The following CDKL4 variants were observed in gnomAD, a reference collection of about 807,000 sequenced individuals.
CDKL4 encodes the protein cyclin dependent kinase like 4.
Under a neutral mutation model 42.0 loss-of-function variants are expected in CDKL4, and 44 were observed. The ratio of observed to expected loss-of-function variants is 1.05; its 90% CI spans 0.82 to 1.35. The LOEUF is 1.35. Among genes scored for constraint, CDKL4 ranks in the 40% most tolerant of loss-of-function variants. CDKL4 has a pLI of 0.00. For synonymous variants in CDKL4, 120 were observed against 121.6 expected (o/e 0.99, Z 0.09); for missense variants, 393 against 369.9 (o/e 1.06, Z -0.51).
intron 5 of CDKL4, among the ~76,000 whole-genome samples, chr2:39,193,776 G>A (rs1430727607): frequency 1.3e-5 from 2 of 152,186 alleles, no homozygotes; most frequent in Non-Finnish European, 2.9e-5. Context: ...CACCCAGAGA[G>A]AAACCAAGTG....
At chr2:39,170,277 CAAA>C in the CDKL4 span, among the ~76,000 whole-genome samples, 2 of 42,908 alleles carry the variant, frequency 4.7e-5, no homozygotes, top group Non-Finnish European at 1.1e-4. Flanking sequence ...ACCCTGTCTC[CAAA>C]AAAAAAAAAA....
intron 1 of CDKL4, among the ~76,000 whole-genome samples, chr2:39,232,911 G>A (rs1179260321): frequency 6.6e-6 from 1 of 151,762 alleles, no homozygotes; most frequent in Non-Finnish European, 1.5e-5. Flanking sequence ...CAGGCATGGT[G>A]GCACGCGCCT....
chr2:39,196,782 A>T (rs896139924), intron 5 of CDKL4, among the ~76,000 whole-genome samples: 1 of 152,202 alleles, frequency 6.6e-6, no homozygotes, highest in African/African-American at 2.4e-5. Flanking sequence ...TAATTTTTGA[A>T]TTTTTAGTAC....
chr2:39,186,250 A>G (rs1270968957), intron 7 of CDKL4, among the ~76,000 whole-genome samples: 2 of 152,208 alleles, frequency 1.3e-5, no homozygotes, highest in Admixed American at 1.3e-4. Context: ...TATATAAATC[A>G]AGATATTATA....
At chr2:39,207,254 G>T (rs1486729414) in intron 4 of CDKL4, among the ~76,000 whole-genome samples, 1 of 152,050 alleles carries the variant, frequency 6.6e-6, no homozygotes, top group Non-Finnish European at 1.5e-5. Context: ...GGTGTGTGGC[G>T]TGTGCCTTTA....
intron 4 of CDKL4, among the ~76,000 whole-genome samples, chr2:39,205,162 C>A (rs1316837239): frequency 1.3e-5 from 2 of 151,868 alleles, no homozygotes; most frequent in Non-Finnish European, 2.9e-5. Context: ...AGCAACTGAG[C>A]TAAACCCTGT....
intron 4 of CDKL4, among the ~76,000 whole-genome samples, chr2:39,209,395 A>T (rs1677441617): frequency 6.6e-6 from 1 of 152,042 alleles, no homozygotes; most frequent in African/African-American, 2.4e-5. Context: ...ATATATAAAA[A>T]TCCCTGGGTT....
intron 3 of CDKL4, among the ~76,000 whole-genome samples, chr2:39,221,688 G>C (rs772280555): frequency 6.6e-6 from 1 of 152,222 alleles, no homozygotes; most frequent in Non-Finnish European, 1.5e-5. Flanking sequence ...AGAGTGCAAA[G>C]TGGGATAGTT....
At chr2:39,178,909 C>G in intron 9 of CDKL4, 2 of 1,451,828 alleles carry the variant, frequency 1.4e-6, no homozygotes, top group Non-Finnish European at 1.8e-6. Flanking sequence ...TATGGGTATA[C>G]GATCTTGTGG....
chr2:39,185,375 T>C (rs1474710890), intron 7 of CDKL4, among the ~76,000 whole-genome samples: 1 of 55,400 alleles, frequency 1.8e-5, no homozygotes. Context: ...TATATATACA[T>C]ATGTATATAT....
intron 1 of CDKL4, among the ~76,000 whole-genome samples, chr2:39,231,776 G>A (rs1219162889): frequency 2.0e-5 from 3 of 152,234 alleles, no homozygotes; most frequent in Non-Finnish European, 4.4e-5. Context: ...ATCTGGCTGG[G>A]AGCATTGGCT....
chr2:39,199,416 GA>G (rs376768529), intron 5 of CDKL4, among the ~76,000 whole-genome samples: 2,011 of 152,144 alleles, frequency 0.013, 27 homozygotes, highest in African/African-American at 0.046. Flanking sequence ...GACATTCAAA[GA>G]AAAATTGGTA....
chr2:39,199,743 G>T (rs1165786518), intron 5 of CDKL4, among the ~76,000 whole-genome samples: 1 of 151,818 alleles, frequency 6.6e-6, no homozygotes, highest in Admixed American at 6.6e-5. Flanking sequence ...AAATCACAAG[G>T]TCATCTCAAT....
intron 5 of CDKL4, among the ~76,000 whole-genome samples, chr2:39,195,449 T>A (rs72799489): frequency 0.033 from 5,034 of 152,274 alleles, 120 homozygotes; most frequent in Non-Finnish European, 0.05. Flanking sequence ...AATTTCTTCA[T>A]ATCTTTACCA....
At chr2:39,204,346 C>G (rs931788605) in intron 5 of CDKL4, among the ~76,000 whole-genome samples, 181 bp downstream of exon 5, 1 of 152,190 alleles carries the variant, frequency 6.6e-6, no homozygotes, top group African/African-American at 2.4e-5. Context: ...TAAATTCTAG[C>G]TGAATGGAGC....
At chr2:39,227,820 G>C (rs1384455789) in intron 2 of CDKL4, among the ~76,000 whole-genome samples, 2 of 152,202 alleles carry the variant, frequency 1.3e-5, no homozygotes, top group Admixed American at 6.5e-5. Context: ...GGGTAGGTCA[G>C]CAATTTATAC....
chr2:39,241,948 T>C (rs1266798055), intron 1 of CDKL4, among the ~76,000 whole-genome samples: 2 of 152,160 alleles, frequency 1.3e-5, no homozygotes, highest in Non-Finnish European at 2.9e-5. Flanking sequence ...TGATTATTAA[T>C]ACAGTACTTG....
chr2:39,220,490 G>C (rs759681421), intron 3 of CDKL4, among the ~76,000 whole-genome samples: 26 of 152,306 alleles, frequency 1.7e-4, no homozygotes, highest in Admixed American at 1.3e-3. Flanking sequence ...AATGTATGAA[G>C]AAATGGATTT....
chr2:39,190,640 T>C (rs1242363646), intron 5 of CDKL4, 138 bp from the exon 6 acceptor site: 5 of 672,918 alleles, frequency 7.4e-6, no homozygotes, highest in Non-Finnish European at 1.0e-5. Flanking sequence ...GAGGCACTAA[T>C]TGAGGAAACA....
Sources: allele counts gnomAD v4.1 joint callset (sites outside exome capture counted in the v4.1 genomes callset), GRCh38; gene constraint gnomAD v4.1.1; transcripts MANE v1.5; gene names NCBI Gene and HGNC (gene_info 2026-07-23, HGNC 2026-07-21).